The following GRIP1 variants were observed in gnomAD, a reference collection of about 807,000 sequenced individuals.
GRIP1 encodes glutamate receptor-interacting protein 1.
A neutral mutation model predicts 129.9 loss-of-function variants in GRIP1; 45 were observed. That is an observed-to-expected ratio of 0.35 (90% CI 0.27 to 0.44). The LOEUF (loss-of-function observed/expected upper bound fraction) is 0.44, where lower values mean the gene tolerates loss of function less well. GRIP1 is among the 20% of genes least tolerant of loss of function. The probability of loss-of-function intolerance (pLI) is 1.00; values close to 1 mark genes in which losing one functional copy is unlikely to be tolerated. For synonymous variants in GRIP1, 530 were observed against 520.8 expected (o/e 1.02, Z -0.24); for missense variants, 1,196 against 1,396.8 (o/e 0.86, Z 2.29).
intron 1 of GRIP1, among the ~76,000 whole-genome samples, chr12:67,036,003 G>A (rs946428456): frequency 6.6e-6 from 1 of 152,114 alleles, no homozygotes; most frequent in African/African-American, 2.4e-5. Flanking sequence ...TAAATCAGTT[G>A]CAACATGCAC....
At chr12:67,062,173 CA>C (rs1469634450) in intron 1 of GRIP1, among the ~76,000 whole-genome samples, 1 of 152,212 alleles carries the variant, frequency 6.6e-6, no homozygotes, top group Non-Finnish European at 1.5e-5. Context: ...GGAAGCCTAT[CA>C]ATTCTTTATC....
intron 16 of GRIP1, among the ~76,000 whole-genome samples, chr12:66,403,543 T>A (rs933857357): frequency 2.0e-5 from 3 of 152,184 alleles, no homozygotes; most frequent in Non-Finnish European, 4.4e-5. Flanking sequence ...CAAAGAGTGA[T>A]CTTTTATAAA....
intron 7 of GRIP1, among the ~76,000 whole-genome samples, chr12:66,485,667 T>C (rs2059933581): frequency 6.6e-6 from 1 of 152,010 alleles, no homozygotes; most frequent in Non-Finnish European, 1.5e-5. Flanking sequence ...TCATATGCTT[T>C]TTTTTACAGG....
At chr12:66,483,003 C>CGCTGATG (rs1227585862) in intron 7 of GRIP1, among the ~76,000 whole-genome samples, 12 of 152,140 alleles carry the variant, frequency 7.9e-5, no homozygotes, top group Admixed American at 7.2e-4. Context: ...ACAGAAGATA[C>CGCTGATG]GCTGATGACT....
chr12:66,864,891 A>C (rs2040175949), intron 1 of GRIP1, among the ~76,000 whole-genome samples: 1 of 152,136 alleles, frequency 6.6e-6, no homozygotes, highest in South Asian at 2.1e-4. Flanking sequence ...ACTGTTGACC[A>C]TCTTAGTGCT....
intron 19 of GRIP1, among the ~76,000 whole-genome samples, chr12:66,382,290 T>C (rs537606705): frequency 6.1e-4 from 93 of 152,108 alleles, no homozygotes; most frequent in Admixed American, 8.5e-4. Flanking sequence ...CTTGAGAGGC[T>C]AAGAGGATCC....
intron 1 of GRIP1, among the ~76,000 whole-genome samples, chr12:66,617,700 C>T (rs11176326): frequency 2.0e-5 from 3 of 151,298 alleles, no homozygotes; most frequent in Admixed American, 2.0e-4. Context: ...AACCAAAAAA[C>T]ATTATAAAAT....
At chr12:66,809,633 C>T (rs2039064844) in intron 1 of GRIP1, among the ~76,000 whole-genome samples, 1 of 151,896 alleles carries the variant, frequency 6.6e-6, no homozygotes, top group Admixed American at 6.6e-5. Context: ...TCATGTAACT[C>T]ATGAGCACAT....
chr12:67,050,511 G>GA (rs1039463983), intron 1 of GRIP1, among the ~76,000 whole-genome samples: 12 of 151,756 alleles, frequency 7.9e-5, no homozygotes, highest in Admixed American at 2.0e-4. Context: ...TGCTCAATTG[G>GA]AAAAAAAAGA....
chr12:66,713,695 AGAGTT>A (rs2035782336), intron 1 of GRIP1, among the ~76,000 whole-genome samples: 1 of 151,944 alleles, frequency 6.6e-6, no homozygotes, highest in Admixed American at 6.6e-5. Context: ...TCTCTCTCAT[AGAGTT>A]AATTCCTTCT....
At chr12:66,635,909 C>A (rs2031317123) in intron 1 of GRIP1, among the ~76,000 whole-genome samples, 1 of 152,004 alleles carries the variant, frequency 6.6e-6, no homozygotes, top group Admixed American at 6.6e-5. Flanking sequence ...TGGTAATATA[C>A]CCTTAGTCTA....
At chr12:66,394,793 T>C (rs749925799) in intron 16 of GRIP1, among the ~76,000 whole-genome samples, 1 of 152,240 alleles carries the variant, frequency 6.6e-6, no homozygotes, top group Non-Finnish European at 1.5e-5. Flanking sequence ...AAGCTTTACA[T>C]GCATGCTAAC....
chr12:67,039,338 C>G (rs764658614), intron 1 of GRIP1, among the ~76,000 whole-genome samples: 1 of 152,092 alleles, frequency 6.6e-6, no homozygotes, highest in Non-Finnish European at 1.5e-5. Context: ...CATATACTAT[C>G]AGAAATGGGC....
chr12:66,371,636 T>G (rs141272525), intron 23 of GRIP1, 58 bp downstream of exon 23: 1 of 1,070,920 alleles, frequency 9.3e-7, no homozygotes, highest in East Asian at 2.4e-5. Context: ...TCGGCGTACA[T>G]GCTATGCAGA....
chr12:66,933,251 A>T (rs557754795), intron 1 of GRIP1, among the ~76,000 whole-genome samples: 2 of 152,202 alleles, frequency 1.3e-5, no homozygotes, highest in African/African-American at 4.8e-5. Context: ...CTAAGTATGT[A>T]CCTCTTCCCA....
chr12:66,845,816 A>T (rs1921007), intron 1 of GRIP1, among the ~76,000 whole-genome samples: 146,456 of 152,214 alleles, frequency 0.96, 70,730 homozygotes, highest in East Asian at 1. Flanking sequence ...AGGACTCTAT[A>T]TAATTCTCTT....
At chr12:66,559,374 G>A (rs548140509) in intron 2 of GRIP1, among the ~76,000 whole-genome samples, 14 of 152,130 alleles carry the variant, frequency 9.2e-5, no homozygotes, top group Admixed American at 3.9e-4. Flanking sequence ...CATCCAAATC[G>A]GAAAGGAAGA....
At chr12:66,444,852 G>T in intron 12 of GRIP1, 123 bp from the exon 13 acceptor site, 1 of 951,260 alleles carries the variant, frequency 1.1e-6, no homozygotes, top group Non-Finnish European at 1.7e-6. Flanking sequence ...CTTATTCAAT[G>T]CTGTGGGCAT....
At chr12:66,404,617 C>T (rs1160994998) in intron 16 of GRIP1, among the ~76,000 whole-genome samples, 1 of 152,096 alleles carries the variant, frequency 6.6e-6, no homozygotes, top group Non-Finnish European at 1.5e-5. Flanking sequence ...TTTATGCCAG[C>T]TGTACTTGTT....
Sources: allele counts gnomAD v4.1 joint callset (sites outside exome capture counted in the v4.1 genomes callset), GRCh38; gene constraint gnomAD v4.1.1; transcripts MANE v1.5; gene names NCBI Gene and HGNC (gene_info 2026-07-23, HGNC 2026-07-21).